Variants in USP35 observed in about 807,000 individuals in gnomAD.
USP35 encodes ubiquitin specific peptidase 35, also known as ubiquitin carboxyl-terminal hydrolase 35.
Under a neutral mutation model 83.8 loss-of-function variants are expected in USP35, and 69 were observed. The ratio of observed to expected loss-of-function variants is 0.82; its 90% CI spans 0.68 to 1.01. The LOEUF is 1.01. USP35 is among the 50% of genes least tolerant of loss of function. The pLI, the probability that USP35 is intolerant of heterozygous loss-of-function variation, is 0.00. For missense variants in USP35, 1,503 were observed against 1,362.5 expected (o/e 1.10, Z -1.62); for synonymous variants, 714 against 589.5 (o/e 1.21, Z -3.06).
Position 78,210,296 on chromosome 11 carries a change from A to T in USP35, c.2441A>T (p.Asp814Val). 1 of 1,613,838 alleles carries T rather than the reference A, an allele frequency of 6.2e-7. No individual in the cohort carries two copies. ...CTCACACTGCTGCGCTTCTCTTTCG[A>T]CCTGCGCACCATGCGGCGCCGCAAG... is the stretch of plus-strand genomic sequence containing the variant. Reference protein sequence around the residue: ...LILTLLRFSFDLRTMRRRKIL... With the variant: ...LILTLLRFSFVLRTMRRRKIL... Residue 814 changes from aspartate to valine, a missense_variant, in exon 10 of 11, where the codon GAC becomes GTC. Physicochemically the swap from Asp to Val is radical, Grantham distance 152. Coordinates refer to ENST00000529308, the MANE Select transcript of USP35 (RefSeq NM_020798.4).
chr11:78,206,443 C>T lies in USP35; in HGVS notation c.1391+408C>T, dbSNP rs140512484. Among the ~76,000 whole-genome samples the T allele has an allele frequency of 3.1e-3, 469 of 152,310 alleles. 6 individuals are homozygous for T. Among genetic ancestry groups the T allele is most frequent in the African/African-American group, 0.011 (453 of 41,560 alleles). ...GGCCACCTATCTACCTTATGGCTTA[C>T]TTAAAAGATCAAAGTTTCAGCTTTG... On this transcript the variant is annotated intron_variant, in intron 7 of 10. Transcript: ENST00000529308.
chr11:78,213,891 A>ACCAAGAGGAAGGATGG lies in USP35; in HGVS notation c.*79_*94dup, dbSNP rs1863927909. 1 of 1,490,310 alleles carries ACCAAGAGGAAGGATGG rather than the reference A, an allele frequency of 6.7e-7. No homozygotes were observed. Among genetic ancestry groups the ACCAAGAGGAAGGATGG allele is most frequent in the African/African-American group, 1.5e-5 (1 of 67,918 alleles). The allele number at this position is 1,490,310 out of a possible 1,614,324, so 92.3% of individuals were successfully genotyped here. On this transcript the variant is annotated 3_prime_UTR_variant, in exon 11 of 11. Transcript: ENST00000529308. The stretch of plus-strand genomic sequence containing the variant: ...GAGGGAAGCTGTGGAGGCAGGCCCT[A>ACCAAGAGGAAGGATGG]CCAAGAGGAAGGATGGTACAGCTCA...
In USP35 at chr11:78,210,310, C is replaced by T. The variant is rs765390299; in HGVS notation, c.2455C>T (p.Arg819Trp). The T allele has an allele frequency of 2.5e-5, 40 of 1,613,422 alleles. No homozygotes were observed. Among genetic ancestry groups the T allele is most frequent in the Admixed American group, 1.0e-4 (6 of 60,006 alleles). Residue 819 changes from arginine to tryptophan, a missense_variant, in exon 10 of 11, where the codon CGG becomes TGG. By Grantham distance (101) the Arg-to-Trp change is moderately radical. Transcript: ENST00000529308. The stretch of plus-strand genomic sequence containing the variant: ...CTTCTCTTTCGACCTGCGCACCATG[C>T]GGCGCCGCAAGATCCTGGATGACGT... ...LRFSFDLRTM[R>W]RRKILDDVSI...
intron 6 of USP35, 25 bp from the exon 7 acceptor site, chr11:78,205,817 G>A (rs368034675): frequency 4.7e-5 from 74 of 1,590,198 alleles, no homozygotes; most frequent in Non-Finnish European, 5.8e-5. Flanking sequence ...CCACCATCCT[G>A]CCTGCCTGCT....
the USP35 span, among the ~76,000 whole-genome samples, chr11:78,231,627 C>T: frequency 2.0e-5 from 3 of 152,172 alleles, no homozygotes; most frequent in African/African-American, 4.8e-5. Context: ...GGATTACAGG[C>T]GTGAGCCACT....
rs1863075354 is a variant in USP35, at chr11:78,194,073, T to C, written c.-10-2163T>C. On this transcript the variant is annotated intron_variant, in intron 1 of 10. Transcript: ENST00000529308. ...CAGGTGCCCAGGTGCTTCTGAGGCA[T>C]TCTGAGGCTTCTGAGCAGGCCAGGA... Among the ~76,000 whole-genome samples, 5 of 151,944 alleles carry C rather than the reference T, an allele frequency of 3.3e-5. No homozygotes were observed. The South Asian group carries it at 1.0e-3, about 31-fold the overall frequency.
rs549657584 is a variant in USP35, at chr11:78,213,906, G to A, written c.*93G>A. ...GGCAGGCCCTACCAAGAGGAAGGAT[G>A]GTACAGCTCATGGCACCTTAGTCCT... On this transcript the variant is annotated 3_prime_UTR_variant, in exon 11 of 11. Transcript: ENST00000529308. 4.5e-5 allele frequency: 64 copies of A among 1,427,490 alleles called. No individual in the cohort carries two copies. In the East Asian group the frequency reaches 1.6e-3, roughly 36 times the overall value. 88.4% of individuals were successfully genotyped at this position (1,427,490 alleles called of 1,614,324 possible). A position where few individuals can be genotyped will look rare whatever the true frequency, so the allele number is the denominator to read the frequency against.
intron 6 of USP35, among the ~76,000 whole-genome samples, chr11:78,202,318 G>C (rs561004082): frequency 6.6e-6 from 1 of 152,222 alleles, no homozygotes; most frequent in African/African-American, 2.4e-5. Flanking sequence ...TATGCACATG[G>C]TTTTAAATAG....
In USP35 at chr11:78,209,777, G is replaced by A. The variant is rs555821964; in HGVS notation, c.1922G>A (p.Arg641Gln). The A allele has an allele frequency of 1.1e-5, 17 of 1,613,926 alleles. No homozygotes were observed. The highest frequency in any genetic ancestry group is 5.5e-5 in the South Asian group (5 of 91,064). Reference protein sequence around the residue: ...SAQGPGRVGPRRQRKHCITED... With the variant: ...SAQGPGRVGPQRQRKHCITED... ...CAGGGGCCAGGCAGGGTGGGTCCTCGGAGGCAAAGGAAACACTGCATCACA... is the reference window on the plus strand; with the variant it reads ...CAGGGGCCAGGCAGGGTGGGTCCTCAGAGGCAAAGGAAACACTGCATCACA... Residue 641 changes from arginine (R) to glutamine (Q), a missense_variant, in exon 10 of 11, where the codon CGG (arginine) becomes CAG (glutamine). By Grantham distance (43) the Arg-to-Gln change is conservative. Coordinates refer to ENST00000529308, the MANE Select transcript of USP35 (RefSeq NM_020798.4).
chr11:78,199,258 G>C (rs1279161084), intron 3 of USP35: 1 of 297,708 alleles, frequency 3.4e-6, no homozygotes. Context: ...ACTTGCTGGA[G>C]CCAAAGCTTC....
intron 6 of USP35, among the ~76,000 whole-genome samples, chr11:78,202,047 A>T (rs1325205002): frequency 6.6e-6 from 1 of 152,246 alleles, no homozygotes; most frequent in Non-Finnish European, 1.5e-5. Flanking sequence ...CAAGAAAGTA[A>T]GGGGGAGTCC....
downstream of USP35, chr11:78,219,140 A>T: frequency 1.2e-6 from 1 of 839,842 alleles, no homozygotes; most frequent in Non-Finnish European, 1.9e-6. Flanking sequence ...CCCTGATGTC[A>T]AGTGCTTTGA....
intron 7 of USP35, chr11:78,207,327 T>G: frequency 1.8e-6 from 1 of 565,172 alleles, no homozygotes. Flanking sequence ...AACATGTCTA[T>G]TGTTGTGTTC....
At chr11:78,213,550 C>G in intron 10 of USP35, 96 bp from the exon 11 acceptor site, 2 of 1,360,322 alleles carry the variant, frequency 1.5e-6, no homozygotes, top group Non-Finnish European at 1.9e-6. Flanking sequence ...CCCTGGGGAC[C>G]TAGAGGAAAC....
At chr11:78,222,398 A>G in the USP35 span, among the ~76,000 whole-genome samples, 1 of 151,974 alleles carries the variant, frequency 6.6e-6, no homozygotes, top group Non-Finnish European at 1.5e-5. Context: ...TCCAAATTAT[A>G]TATTCTTTCT....
At chr11:78,193,448 C>G (rs1462311689) in intron 1 of USP35, among the ~76,000 whole-genome samples, 2 of 151,290 alleles carry the variant, frequency 1.3e-5, no homozygotes, top group African/African-American at 4.9e-5. Flanking sequence ...CAAGCCATCT[C>G]CCCACCTCGG....
the USP35 span, chr11:78,221,808 G>C: frequency 2.0e-6 from 3 of 1,498,366 alleles, no homozygotes; most frequent in Non-Finnish European, 2.8e-6. Context: ...GTTAACACTG[G>C]GGAAGCTGCA....
chr11:78,190,036 A>G (rs1862953690), intron 1 of USP35, among the ~76,000 whole-genome samples: 1 of 152,098 alleles, frequency 6.6e-6, no homozygotes, highest in Admixed American at 6.5e-5. Context: ...TCTGGCTCCC[A>G]GGGGAGTCAA....
intron 7 of USP35, among the ~76,000 whole-genome samples, chr11:78,206,958 G>A (rs74633576): frequency 3.8e-3 from 577 of 152,284 alleles, no homozygotes; most frequent in African/African-American, 0.012. Flanking sequence ...TTCGTTTAGC[G>A]TATTCCTCAC....
Sources: allele counts gnomAD v4.1 joint callset (sites outside exome capture counted in the v4.1 genomes callset), GRCh38; gene constraint gnomAD v4.1.1; transcripts MANE v1.5; gene names NCBI Gene and HGNC (gene_info 2026-07-23, HGNC 2026-07-21).